TRIM24: variants seen among roughly 807,000 people sequenced by gnomAD.
TRIM24 encodes tripartite motif containing 24, also known as transcription intermediary factor 1-alpha.
In TRIM24, 29 loss-of-function variants were observed where a neutral mutation model predicts 123.9. That is an observed-to-expected ratio of 0.23 (90% CI 0.17 to 0.32). The LOEUF (loss-of-function observed/expected upper bound fraction) is 0.32, where lower values mean the gene tolerates loss of function less well. TRIM24 is among the 10% of genes least tolerant of loss of function. The pLI, the probability that TRIM24 is intolerant of heterozygous loss-of-function variation, is 1.00. For synonymous variants in TRIM24, 456 were observed against 461.1 expected (o/e 0.99, Z 0.14); for missense variants, 932 against 1,295.3 (o/e 0.72, Z 4.31).
intron 4 of TRIM24, among the ~76,000 whole-genome samples, chr7:138,522,870 A>T (rs190979864): frequency 6.6e-6 from 1 of 152,320 alleles, no homozygotes; most frequent in East Asian, 1.9e-4. Context: ...AAATTCCAGT[A>T]GATGGTAGAA....
At chr7:138,533,448 C>G (rs1182097081) in intron 6 of TRIM24, among the ~76,000 whole-genome samples, 1 of 152,140 alleles carries the variant, frequency 6.6e-6, no homozygotes. Context: ...TTGTCAAAGG[C>G]CTTTCCTGCA....
intron 5 of TRIM24, among the ~76,000 whole-genome samples, chr7:138,528,388 C>A (rs947041708): frequency 1.3e-5 from 2 of 152,166 alleles, no homozygotes; most frequent in Non-Finnish European, 2.9e-5. Context: ...CCTTTGAGCC[C>A]TAGCTTCTTA....
intron 17 of TRIM24, among the ~76,000 whole-genome samples, 179 bp from the exon 18 acceptor site, chr7:138,583,671 G>A (rs142879439): frequency 3.5e-3 from 534 of 152,266 alleles, no homozygotes; most frequent in African/African-American, 0.012. Flanking sequence ...ACCTTTACCA[G>A]TGTGTGTGGA....
intron 3 of TRIM24, among the ~76,000 whole-genome samples, chr7:138,516,699 G>A (rs1796403496): frequency 6.6e-6 from 1 of 152,044 alleles, no homozygotes; most frequent in African/African-American, 2.4e-5. Context: ...GATACTTCAC[G>A]CAAGTGGAAT....
intron 6 of TRIM24, among the ~76,000 whole-genome samples, chr7:138,531,251 A>G (rs1796732835): frequency 1.3e-5 from 2 of 151,784 alleles, no homozygotes; most frequent in South Asian, 4.1e-4. Flanking sequence ...GTTACATGTT[A>G]CATATGTTAC....
In TRIM24 at chr7:138,545,707, G is replaced by A. The variant is rs145566273; in HGVS notation, c.1144-5356G>A. ...CTTGGTTTCAAAATACCAAAGAAAG[G>A]GGGGGAAAGTAAAAGTTGTGCCCAG... On this transcript the variant is annotated intron_variant, in intron 7 of 18. Transcript: ENST00000343526. Among the ~76,000 whole-genome samples, 29 of 152,214 alleles carry A rather than the reference G, an allele frequency of 1.9e-4. No homozygotes were observed. In the East Asian group the frequency reaches 3.9e-3, roughly 20 times the overall value.
intron 11 of TRIM24, among the ~76,000 whole-genome samples, chr7:138,571,842 ATT>A (rs1429386165): frequency 1.3e-5 from 2 of 151,512 alleles, no homozygotes; most frequent in Non-Finnish European, 2.9e-5. Flanking sequence ...AAGTGCTGGG[ATT>A]ACAGGCATGA....
intron 1 of TRIM24, among the ~76,000 whole-genome samples, chr7:138,464,481 A>G (rs915987624): frequency 2.6e-5 from 4 of 151,938 alleles, no homozygotes; most frequent in African/African-American, 4.8e-5. Flanking sequence ...GATGGGGAGT[A>G]CAAGCAGGGG....
chr7:138,506,365 T>C (rs1298387329), intron 2 of TRIM24, among the ~76,000 whole-genome samples: 1 of 152,200 alleles, frequency 6.6e-6, no homozygotes, highest in Non-Finnish European at 1.5e-5. Context: ...ATACAAATGA[T>C]TTTGTTTCTG....
chr7:138,475,188 G>C (rs1048291266), intron 1 of TRIM24, among the ~76,000 whole-genome samples: 1 of 152,102 alleles, frequency 6.6e-6, no homozygotes, highest in African/African-American at 2.4e-5. Context: ...GAATGGTGAG[G>C]GGGGAAGAAT....
At chr7:138,498,350 G>T (rs375035600) in intron 1 of TRIM24, among the ~76,000 whole-genome samples, 1 of 151,482 alleles carries the variant, frequency 6.6e-6, no homozygotes, top group Non-Finnish European at 1.5e-5. Context: ...TCAGCCTCCC[G>T]AGTAGCTGGG....
intron 2 of TRIM24, 36 bp downstream of exon 2, chr7:138,504,444 G>GTTTTT (rs1563036659): frequency 8.0e-6 from 5 of 624,946 alleles, no homozygotes; most frequent in Admixed American, 3.6e-5. Flanking sequence ...TTGCCTGCCA[G>GTTTTT]CTCTTTTTTT....
chr7:138,466,398 C>T (rs1729182742), intron 1 of TRIM24, among the ~76,000 whole-genome samples: 1 of 145,864 alleles, frequency 6.9e-6, no homozygotes, highest in Non-Finnish European at 1.5e-5. Flanking sequence ...TTTTCTTGTG[C>T]TTAGTAGTCA....
chr7:138,533,765 C>T (rs184147983), intron 6 of TRIM24, among the ~76,000 whole-genome samples: 9 of 152,098 alleles, frequency 5.9e-5, no homozygotes, highest in African/African-American at 1.2e-4. Flanking sequence ...TTTTTCTATT[C>T]GTTGGAATAG....
chr7:138,581,579 C>T (rs954323718), intron 16 of TRIM24, 118 bp from the exon 17 acceptor site: 3 of 783,328 alleles, frequency 3.8e-6, no homozygotes, highest in Non-Finnish European at 5.9e-6. Flanking sequence ...TTTTTGTATT[C>T]ATCTGGGTTT....
chr7:138,494,068 G>A (rs975149843), intron 1 of TRIM24, among the ~76,000 whole-genome samples: 7 of 151,902 alleles, frequency 4.6e-5, no homozygotes, highest in South Asian at 2.1e-4. Context: ...TGGAACCTCC[G>A]CCTCCTGGGT....
intron 6 of TRIM24, among the ~76,000 whole-genome samples, chr7:138,536,821 T>C (rs1306170156): frequency 2.6e-5 from 4 of 152,264 alleles, no homozygotes; most frequent in Non-Finnish European, 4.4e-5. Context: ...AGGTGGCGTC[T>C]GCAGAGGCAC....
At chr7:138,576,867 C>T (rs1322006899) in intron 13 of TRIM24, among the ~76,000 whole-genome samples, 1 of 152,224 alleles carries the variant, frequency 6.6e-6, no homozygotes, top group Non-Finnish European at 1.5e-5. Flanking sequence ...CTGCTCTCCT[C>T]TTCCCTGCAT....
chr7:138,585,998 GA>G lies in TRIM24; in HGVS notation c.*1048del. ...CAGGCAGCTGGGGGGAATTAATAGTGATTTTTTTTTTTTCCTGAAGCATCTA... is the reference window on the plus strand; with the variant it reads ...CAGGCAGCTGGGGGGAATTAATAGTGTTTTTTTTTTTTCCTGAAGCATCTA... On this transcript the variant is annotated 3_prime_UTR_variant, in exon 19 of 19. Coordinates refer to ENST00000343526, the MANE Select transcript of TRIM24 (RefSeq NM_015905.3). 3 of 444,420 alleles carry G rather than the reference GA, an allele frequency of 6.8e-6. No homozygotes were observed. Among genetic ancestry groups the G allele is most frequent in the Non-Finnish European group, 1.3e-5 (3 of 223,298 alleles). The allele number at this position is 444,420 out of a possible 1,614,324, so 27.5% of individuals were successfully genotyped here.
Sources: gnomAD v4.1 joint callset for allele counts (sites outside exome capture counted in the v4.1 genomes callset) on GRCh38, gnomAD v4.1.1 for gene constraint, MANE v1.5 for transcripts, NCBI Gene and HGNC (gene_info 2026-07-23, HGNC 2026-07-21) for gene names.